CXCR5: variants seen among roughly 807,000 people sequenced by gnomAD.
CXCR5 encodes C-X-C motif chemokine receptor 5.
A neutral mutation model predicts 5.6 loss-of-function variants in CXCR5; 3 were observed. The ratio of observed to expected loss-of-function variants is 0.54; its 90% CI spans 0.24 to 1.39. CXCR5 has a LOEUF of 1.39. Ranked by LOEUF, CXCR5 falls within the 40% of genes most tolerant of loss-of-function variation. CXCR5 has a pLI of 0.16. For missense variants in CXCR5, 333 were observed against 494.6 expected (o/e 0.67, Z 3.10); for synonymous variants, 218 against 219.9 (o/e 0.99, Z 0.08).
intron 1 of CXCR5, among the ~76,000 whole-genome samples, chr11:118,889,398 C>T (rs1188673530): frequency 2.0e-5 from 3 of 152,208 alleles, no homozygotes; most frequent in Non-Finnish European, 4.4e-5. Flanking sequence ...AGAAGCTTTT[C>T]ATGTCAAAGA....
chr11:118,885,092 A>G (rs1306891974), intron 1 of CXCR5, among the ~76,000 whole-genome samples: 12 of 152,046 alleles, frequency 7.9e-5, no homozygotes, highest in Non-Finnish European at 8.8e-5. Context: ...TGGACTTTGT[A>G]GTTCCACCAA....
rs531959859 is a variant in CXCR5, at chr11:118,893,471, T to C, written c.52-125T>C. Reference sequence around the variant, plus strand: ...CAAAGTGATTTGTTCAAAATTGAAATTTGAAACTTGACATTTGGTCAGTGG... The same window carrying C: ...CAAAGTGATTTGTTCAAAATTGAAACTTGAAACTTGACATTTGGTCAGTGG... On this transcript the variant is annotated intron_variant, in intron 1 of 1. Transcript: ENST00000292174. This position sits in a 1 kb window ranked among gnomAD's most constrained non-coding sequence, Gnocchi z 5.7. 6.9e-7 allele frequency: 1 copy of C among 1,451,634 alleles called. No individual in the cohort carries two copies. The highest frequency in any genetic ancestry group is 2.4e-5 in the East Asian group (1 of 42,010). 89.9% of individuals were successfully genotyped at this position (1,451,634 alleles called of 1,614,324 possible). A position where few individuals can be genotyped will look rare whatever the true frequency, so the allele number is the denominator to read the frequency against.
intron 1 of CXCR5, among the ~76,000 whole-genome samples, chr11:118,890,707 C>T (rs866586090): frequency 2.6e-5 from 4 of 152,206 alleles, no homozygotes; most frequent in African/African-American, 4.8e-5. Flanking sequence ...GGAGGTTAGA[C>T]GTCTTCCCAC....
Position 118,893,773 on chromosome 11 carries a change from G to C in CXCR5, c.229G>C (p.Glu77Gln). 6.2e-7 allele frequency: 1 copy of C among 1,614,140 alleles called. No individual in the cohort carries two copies. The highest frequency in any genetic ancestry group is 8.5e-7 in the Non-Finnish European group (1 of 1,179,996). The change falls in exon 2 of 2, where the codon GAG (glutamate) becomes CAG (glutamine). Residue 77 changes from glutamate (E) to glutamine (Q), a missense_variant. Coordinates refer to ENST00000292174, the MANE Select transcript of CXCR5 (RefSeq NM_001716.5). The surrounding 1 kb of genome is among the most constrained non-coding windows in gnomAD (Gnocchi z 5.7). ...CAACGTCCTGGTGCTGGTGATCCTG[G>C]AGCGGCACCGGCAGACACGCAGTTC... ...IGNVLVLVIL[E>Q]RHRQTRSSTE...
rs55706121 is a variant in CXCR5 at position 118,893,371 on chromosome 11, C to T, written c.52-225C>T. 1.6e-3 allele frequency: 1,534 copies of T among 985,344 alleles called. 20 individuals carry two copies. The African/African-American group carries it at 0.025, about 16-fold the overall frequency. The allele number at this position is 985,344 out of a possible 1,614,324, so 61.0% of individuals were successfully genotyped here. On this transcript the variant is annotated intron_variant, in intron 1 of 1. Transcript: ENST00000292174. The surrounding 1 kb of genome is among the most constrained non-coding windows in gnomAD (Gnocchi z 5.7). ...CACTTACAAAGCTCAGCCACCCGCA[C>T]GCCTCCCTTCATCAGCACCACCACT...
Position 118,886,287 on chromosome 11 carries a change from G to C in CXCR5, c.51+2295G>C, listed in dbSNP as rs536454655. On this transcript the variant is annotated intron_variant, in intron 1 of 1. Transcript: ENST00000292174. The stretch of plus-strand genomic sequence containing the variant: ...TATTGGTTCACATTCCTTGAACGCT[G>C]GGTTTTACACTCTCATGTTGAGCTA... The C allele has an allele frequency of 1.5e-4, 67 of 434,896 alleles. 1 individual carries two copies. Among genetic ancestry groups the C allele is most frequent in the Admixed American group, 4.2e-4 (15 of 35,824 alleles). 26.9% of individuals were successfully genotyped at this position (434,896 alleles called of 1,614,324 possible).
Position 118,897,622 on chromosome 11 carries a change from C to A in CXCR5, c.*2959C>A, listed in dbSNP as rs145472817. Reference sequence around the variant, plus strand: ...TTTACGTCATCTTACCATTTGGGGACGAGACAGGAATGGTATCCCTTAGGG... The same window carrying A: ...TTTACGTCATCTTACCATTTGGGGAAGAGACAGGAATGGTATCCCTTAGGG... On this transcript the variant is annotated 3_prime_UTR_variant, in exon 2 of 2. Transcript: ENST00000292174. 1 of 364,152 alleles carries A rather than the reference C, an allele frequency of 2.7e-6. No homozygotes were observed. 22.6% of individuals were successfully genotyped at this position (364,152 alleles called of 1,614,324 possible). A position where few individuals can be genotyped will look rare whatever the true frequency, so the allele number is the denominator to read the frequency against.
chr11:118,884,418 T>C (rs1396430042), intron 1 of CXCR5, among the ~76,000 whole-genome samples: 2 of 152,188 alleles, frequency 1.3e-5, no homozygotes, highest in Non-Finnish European at 2.9e-5. Context: ...GCTGTTCGTC[T>C]CTGGCCATAT....
chr11:118,893,673 G>T lies in CXCR5; in HGVS notation c.129G>T (p.Gly43=), dbSNP rs2230319. The T allele has an allele frequency of 7.6e-3, 12,210 of 1,613,634 alleles. 754 individuals carry two copies. The African/African-American group carries it at 0.14, about 18-fold the overall frequency. ...VENHLCPATE[G]PLMASFKAVF... ...ATCATCTCTGCCCTGCCACAGAGGG[G>T]CCCCTCATGGCCTCCTTCAAGGCCG... Residue 43 remains glycine (G), a synonymous_variant, in exon 2 of 2, where the codon GGG becomes GGT. Transcript: ENST00000292174. The surrounding 1 kb of genome is among the most constrained non-coding windows in gnomAD (Gnocchi z 5.7).
intron 1 of CXCR5, chr11:118,887,214 C>G (rs1367542411): frequency 3.0e-6 from 3 of 984,256 alleles, no homozygotes; most frequent in African/African-American, 1.7e-5. Flanking sequence ...TGATCCCACT[C>G]CTCTAGCAGA....
rs560189242 is a variant in CXCR5, at chr11:118,893,372, G to A, written c.52-224G>A. 241 of 985,326 alleles carry A rather than the reference G, an allele frequency of 2.4e-4. No homozygotes were observed. The highest frequency in any genetic ancestry group is 2.8e-4 in the Non-Finnish European group (234 of 829,866). The allele number at this position is 985,326 out of a possible 1,614,324, so 61.0% of individuals were successfully genotyped here. ...ACTTACAAAGCTCAGCCACCCGCAC[G>A]CCTCCCTTCATCAGCACCACCACTC... On this transcript the variant is annotated intron_variant, in intron 1 of 1. Transcript: ENST00000292174. The surrounding 1 kb of genome is among the most constrained non-coding windows in gnomAD (Gnocchi z 5.7).
chr11:118,888,807 C>A (rs1473453449), intron 1 of CXCR5, among the ~76,000 whole-genome samples: 2 of 152,148 alleles, frequency 1.3e-5, no homozygotes. Context: ...CCTGAGAGTG[C>A]CCCCAAAGCT....
chr11:118,893,314 C>A lies in CXCR5; in HGVS notation c.52-282C>A. The A allele has an allele frequency of 1.1e-6, 1 of 903,474 alleles. No individual in the cohort carries two copies. Among genetic ancestry groups the A allele is most frequent in the Non-Finnish European group, 1.3e-6 (1 of 755,336 alleles). The allele number at this position is 903,474 out of a possible 1,614,324, so 56.0% of individuals were successfully genotyped here. On this transcript the variant is annotated intron_variant, in intron 1 of 1. Transcript: ENST00000292174. The surrounding 1 kb of genome is among the most constrained non-coding windows in gnomAD (Gnocchi z 5.7). Reference sequence around the variant, plus strand: ...GCTTCCGTACATGAGGACCCAAAAACACAAGCTGACTTATGGGGTCCAGCC... The same window carrying A: ...GCTTCCGTACATGAGGACCCAAAAAAACAAGCTGACTTATGGGGTCCAGCC...
intron 1 of CXCR5, chr11:118,886,347 GAA>G (rs5795149): frequency 0.18 from 70,154 of 396,420 alleles, 2,289 homozygotes; most frequent in South Asian, 0.29. Context: ...AAACTTGCCA[GAA>G]AAAAAAAAAA....
Position 118,895,636 on chromosome 11 carries a change from C to T in CXCR5, c.*973C>T, listed in dbSNP as rs539449926. Reference sequence around the variant, plus strand: ...CACTCCCTTCCCATAAGCTATAGACCCGAGGAAACTCAGAGTCGGAACGGA... The same window carrying T: ...CACTCCCTTCCCATAAGCTATAGACTCGAGGAAACTCAGAGTCGGAACGGA... On this transcript the variant is annotated 3_prime_UTR_variant, in exon 2 of 2. Transcript: ENST00000292174. The surrounding 1 kb of genome is among the most constrained non-coding windows in gnomAD (Gnocchi z 4.2). 3.2e-5 allele frequency: 5 copies of T among 158,370 alleles called. No homozygotes were observed. Among genetic ancestry groups the T allele is most frequent in the South Asian group, 4.3e-4 (2 of 4,668 alleles). The allele number at this position is 158,370 out of a possible 1,614,324, so 9.8% of individuals were successfully genotyped here. A position where few individuals can be genotyped will look rare whatever the true frequency, so the allele number is the denominator to read the frequency against.
chr11:118,887,786 C>T (rs895403257), intron 1 of CXCR5: 3 of 152,726 alleles, frequency 2.0e-5, no homozygotes, highest in Non-Finnish European at 4.4e-5. Context: ...ACTCACAGCT[C>T]CTGACTCTCG....
Position 118,893,809 on chromosome 11 carries a change from T to C in CXCR5, c.265T>C (p.Phe89Leu). 2 of 1,614,146 alleles carry C rather than the reference T, an allele frequency of 1.2e-6. No homozygotes were observed. The highest frequency in any genetic ancestry group is 1.7e-6 in the Non-Finnish European group (2 of 1,179,988). Reference protein sequence around the residue: ...HRQTRSSTETFLFHLAVADLL... With the variant: ...HRQTRSSTETLLFHLAVADLL... ...GCAGACACGCAGTTCCACGGAGACC[T>C]TCCTGTTCCACCTGGCCGTGGCCGA... The change falls in exon 2 of 2, where the codon TTC becomes CTC. Residue 89 changes from phenylalanine (F) to leucine (L), a missense_variant. Coordinates refer to ENST00000292174, the MANE Select transcript of CXCR5 (RefSeq NM_001716.5). The surrounding 1 kb of genome is among the most constrained non-coding windows in gnomAD (Gnocchi z 5.7).
In CXCR5 at chr11:118,894,143, C is replaced by T; in HGVS notation, c.599C>T (p.Pro200Leu). The change falls in exon 2 of 2, where the codon CCA becomes CTA. Residue 200 changes from proline to leucine, a missense_variant. Coordinates refer to ENST00000292174, the MANE Select transcript of CXCR5 (RefSeq NM_001716.5). This position sits in a 1 kb window ranked among gnomAD's most constrained non-coding sequence, Gnocchi z 6.1. ...CAAGGCCATCACAACAACTCCCTGC[C>T]ACGTTGCACCTTCTCCCAAGAGAAC... ...VSQGHHNNSL[P>L]RCTFSQENQA... The T allele has an allele frequency of 6.2e-7, 1 of 1,614,086 alleles. No homozygotes were observed. The highest frequency in any genetic ancestry group is 8.5e-7 in the Non-Finnish European group (1 of 1,180,036).
intron 1 of CXCR5, among the ~76,000 whole-genome samples, chr11:118,888,325 CT>C (rs1181449118): frequency 6.6e-6 from 1 of 152,160 alleles, no homozygotes; most frequent in Non-Finnish European, 1.5e-5. Context: ...AGACTGCCCC[CT>C]GGAAGCTCAT....
Sources: gnomAD v4.1 joint callset for allele counts (sites outside exome capture counted in the v4.1 genomes callset) on GRCh38, gnomAD v4.1.1 for gene constraint, Gnocchi (gnomAD v3.1) non-coding constraint, MANE v1.5 for transcripts, NCBI Gene and HGNC (gene_info 2026-07-23, HGNC 2026-07-21) for gene names.